Variants in RORA observed in about 807,000 individuals in gnomAD.
The protein encoded by RORA is nuclear receptor ROR-alpha.
RORA carries 7 observed loss-of-function variants against 69.5 expected under a neutral mutation model. The ratio of observed to expected loss-of-function variants is 0.10; its 90% CI spans 0.06 to 0.19. The LOEUF is 0.19. Among genes scored for constraint, RORA ranks in the 10% least tolerant of loss-of-function variants. RORA has a pLI of 1.00. For missense variants in RORA, 457 were observed against 663.0 expected (o/e 0.69, Z 3.41); for synonymous variants, 261 against 240.8 (o/e 1.08, Z -0.78).
At chr15:60,824,622 A>G (rs2072934168) in intron 1 of RORA, among the ~76,000 whole-genome samples, 1 of 152,198 alleles carries the variant, frequency 6.6e-6, no homozygotes, top group African/African-American at 2.4e-5. Context: ...GACAAATTAT[A>G]TAACCTTCCT....
chr15:60,649,024 G>T (rs1245625250), intron 2 of RORA, among the ~76,000 whole-genome samples: 1 of 152,092 alleles, frequency 6.6e-6, no homozygotes, highest in African/African-American at 2.4e-5. Flanking sequence ...TGGCTGTGGG[G>T]CACTCATAAT....
chr15:60,789,524 C>T (rs754350044), intron 1 of RORA, among the ~76,000 whole-genome samples: 8 of 152,314 alleles, frequency 5.3e-5, no homozygotes, highest in East Asian at 1.9e-4. Flanking sequence ...TGCATTGCAC[C>T]GACTATCCAT....
intron 1 of RORA, among the ~76,000 whole-genome samples, chr15:61,017,707 C>T (rs907249290): frequency 6.6e-6 from 1 of 152,058 alleles, no homozygotes; most frequent in African/African-American, 2.4e-5. Context: ...CACGAGCCCC[C>T]CAAAAAGGCA....
chr15:60,796,289 G>C lies in RORA; in HGVS notation c.167-117603C>G, dbSNP rs113569573. Reference sequence around the variant, plus strand: ...CTTCCCCATGCACACGACTCTCCAGGCACTCACCCTTTTGACTTCCCCACA... The same window carrying C: ...CTTCCCCATGCACACGACTCTCCAGCCACTCACCCTTTTGACTTCCCCACA... On this transcript the variant is annotated intron_variant, in intron 1 of 10. Transcript: ENST00000335670. 2.4e-4 allele frequency among the ~76,000 whole-genome samples: 37 copies of C among 152,250 alleles called. 1 individual carries two copies. The highest frequency in any genetic ancestry group is 8.4e-4 in the African/African-American group (35 of 41,542).
chr15:61,189,956 A>G (rs564471823), intron 1 of RORA, among the ~76,000 whole-genome samples: 1 of 151,634 alleles, frequency 6.6e-6, no homozygotes, highest in South Asian at 2.1e-4. Context: ...AACAACCTAC[A>G]TGTTTGTCAA....
intron 1 of RORA, among the ~76,000 whole-genome samples, chr15:61,177,308 T>C (rs2079638105): frequency 6.6e-6 from 1 of 152,170 alleles, no homozygotes; most frequent in Non-Finnish European, 1.5e-5. Flanking sequence ...TTTCCAGAAA[T>C]GCGTGCTTAG....
intron 2 of RORA, among the ~76,000 whole-genome samples, chr15:60,674,727 G>A (rs1366155294): frequency 6.6e-6 from 1 of 152,178 alleles, no homozygotes; most frequent in Non-Finnish European, 1.5e-5. Flanking sequence ...TATTTCCGAA[G>A]ATTCAGAGGC....
chr15:60,505,965 T>C (rs1474241621), intron 5 of RORA, among the ~76,000 whole-genome samples: 2 of 152,222 alleles, frequency 1.3e-5, no homozygotes, highest in Non-Finnish European at 1.5e-5. Context: ...TGCTTCTTCT[T>C]GGCATTTTTA....
At chr15:60,582,098 C>T (rs1400088971) in intron 2 of RORA, among the ~76,000 whole-genome samples, 2 of 152,036 alleles carry the variant, frequency 1.3e-5, no homozygotes, top group African/African-American at 4.8e-5. Flanking sequence ...AAGCTTTAGG[C>T]TACAATTTGA....
intron 2 of RORA, among the ~76,000 whole-genome samples, chr15:60,585,302 A>C (rs1346865044): frequency 2.6e-5 from 4 of 152,236 alleles, no homozygotes; most frequent in Non-Finnish European, 5.9e-5. Flanking sequence ...TATCCTAAAA[A>C]ATATGCAAAT....
At chr15:60,675,802 AC>A (rs1298836404) in intron 2 of RORA, among the ~76,000 whole-genome samples, 1 of 152,174 alleles carries the variant, frequency 6.6e-6, no homozygotes, top group African/African-American at 2.4e-5. Context: ...CAGTATGTGC[AC>A]CTCTGTCTTG....
intron 1 of RORA, among the ~76,000 whole-genome samples, chr15:60,820,391 C>T (rs1595740823): frequency 6.6e-6 from 1 of 152,066 alleles, no homozygotes; most frequent in East Asian, 1.9e-4. Context: ...ACAGGAAAAT[C>T]CCCCTCACCC....
chr15:60,699,495 A>G (rs1161006071), intron 1 of RORA, among the ~76,000 whole-genome samples: 2 of 152,196 alleles, frequency 1.3e-5, no homozygotes, highest in Non-Finnish European at 2.9e-5. Context: ...TCAGGATATC[A>G]AAAAGGCTTA....
chr15:60,795,127 C>T (rs2072475409), intron 1 of RORA, among the ~76,000 whole-genome samples: 1 of 152,182 alleles, frequency 6.6e-6, no homozygotes, highest in Non-Finnish European at 1.5e-5. Flanking sequence ...TCCCCACACA[C>T]TAGATGTATG....
intron 1 of RORA, among the ~76,000 whole-genome samples, chr15:61,183,611 C>T (rs1367054646): frequency 6.6e-6 from 1 of 151,684 alleles, no homozygotes; most frequent in East Asian, 1.9e-4. Flanking sequence ...TCCTTTCAAA[C>T]CCTTGTTAGA....
At chr15:60,815,664 G>A (rs1046154630) in intron 1 of RORA, among the ~76,000 whole-genome samples, 3 of 117,082 alleles carry the variant, frequency 2.6e-5, no homozygotes, top group African/African-American at 6.8e-5. Context: ...TCCCTGCCCC[G>A]CCACCACTTA....
intron 1 of RORA, among the ~76,000 whole-genome samples, chr15:60,713,532 C>T (rs992668223): frequency 6.6e-6 from 1 of 152,164 alleles, no homozygotes; most frequent in Non-Finnish European, 1.5e-5. Context: ...ATTAAAAGAA[C>T]ATTTAAAAAT....
rs563246363 is a variant in RORA, at chr15:60,520,653, G to T, written c.283-5896C>A. Among the ~76,000 whole-genome samples, 13 of 152,208 alleles carry T rather than the reference G, an allele frequency of 8.5e-5. No homozygotes were observed. The South Asian group carries it at 2.7e-3, about 32-fold the overall frequency. On this transcript the variant is annotated intron_variant, in intron 3 of 10. Coordinates refer to ENST00000335670, the MANE Select transcript of RORA (RefSeq NM_134261.3). ...AGTGAGCTGAGAGATGAATTCCAGG[G>T]ATTGGAGGTCATACAGAGAGCAGGG...
rs866189832 is a variant in RORA at position 60,617,803 on chromosome 15, C to G, written c.196+60854G>C. The stretch of plus-strand genomic sequence containing the variant: ...ATTTGCCCTGTGGTGGGAAGGAGGC[C>G]TCAGTTCATCCAGTTCTTGATAACA... On this transcript the variant is annotated intron_variant, in intron 2 of 10. Transcript: ENST00000335670. Among the ~76,000 whole-genome samples the G allele has an allele frequency of 3.3e-5, 5 of 151,322 alleles. No homozygotes were observed. The South Asian group carries it at 1.0e-3, about 31-fold the overall frequency.
Sources: gnomAD v4.1 joint callset for allele counts (sites outside exome capture counted in the v4.1 genomes callset) on GRCh38, gnomAD v4.1.1 for gene constraint, MANE v1.5 for transcripts, NCBI Gene and HGNC (gene_info 2026-07-23, HGNC 2026-07-21) for gene names.